The following RORA variants were observed in gnomAD, a reference collection of about 807,000 sequenced individuals.
RORA encodes the protein RAR related orphan receptor A, also known as nuclear receptor ROR-alpha.
A neutral mutation model predicts 69.5 loss-of-function variants in RORA; 7 were observed. The ratio of observed to expected loss-of-function variants is 0.10; its 90% confidence interval spans 0.06 to 0.19. RORA has a LOEUF of 0.19. RORA is among the 10% of genes least tolerant of loss of function. The pLI is 1.00. For missense variants in RORA, 457 were observed against 663.0 expected (o/e 0.69, Z 3.41); for synonymous variants, 261 against 240.8 (o/e 1.08, Z -0.78).
rs2141451249 is a variant in RORA at position 60,531,695 on chromosome 15, G to A, written c.282+71C>T. ...AGGAGTTGAATTTTAAGACATAAGTGGAGACATACAAATCACAAAGATATA... is the reference window on the plus strand; with the variant it reads ...AGGAGTTGAATTTTAAGACATAAGTAGAGACATACAAATCACAAAGATATA... On this transcript the variant is annotated intron_variant, in intron 3 of 10. Coordinates refer to ENST00000335670, the MANE Select transcript of RORA (RefSeq NM_134261.3). This position sits in a 1 kb window ranked among gnomAD's most constrained non-coding sequence, Gnocchi z 4.8. 1 of 790,118 alleles carries A rather than the reference G, an allele frequency of 1.3e-6. No homozygotes were observed. The highest frequency in any genetic ancestry group is 2.1e-6 in the Non-Finnish European group (1 of 485,150). The allele number at this position is 790,118 out of a possible 1,614,324, so 48.9% of individuals were successfully genotyped here. A position where few individuals can be genotyped will look rare whatever the true frequency, so the allele number is the denominator to read the frequency against.
At chr15:60,921,343 C>T (rs1175181109) in intron 1 of RORA, among the ~76,000 whole-genome samples, 3 of 152,134 alleles carry the variant, frequency 2.0e-5, no homozygotes, top group African/African-American at 7.2e-5. Flanking sequence ...CACTACATAG[C>T]AATGAAAAGG....
At chr15:61,092,679 T>A (rs1002887283) in intron 1 of RORA, among the ~76,000 whole-genome samples, 1 of 152,224 alleles carries the variant, frequency 6.6e-6, no homozygotes, top group Non-Finnish European at 1.5e-5. Context: ...ATCTCTACAA[T>A]CTGATGGGCT....
At chr15:60,961,150 T>G (rs1893403722) in intron 1 of RORA, among the ~76,000 whole-genome samples, 1 of 152,210 alleles carries the variant, frequency 6.6e-6, no homozygotes, top group Non-Finnish European at 1.5e-5. Flanking sequence ...CCGTTCCATT[T>G]GCTACACTTC....
chr15:60,935,124 C>T (rs1231945172), intron 1 of RORA, among the ~76,000 whole-genome samples: 2 of 152,226 alleles, frequency 1.3e-5, no homozygotes, highest in Admixed American at 6.5e-5. Flanking sequence ...TGCTCACAAG[C>T]ATTTACACTG....
chr15:60,685,650 A>C (rs972745973), intron 1 of RORA, among the ~76,000 whole-genome samples: 1 of 152,228 alleles, frequency 6.6e-6, no homozygotes, highest in African/African-American at 2.4e-5. Flanking sequence ...TAATCAGTAC[A>C]TATTACTGAA....
intron 1 of RORA, among the ~76,000 whole-genome samples, chr15:60,878,343 CAAAAA>C (rs35845582): frequency 5.8e-5 from 4 of 68,404 alleles, no homozygotes; most frequent in East Asian, 6.4e-4. Context: ...GACTCTGTCT[CAAAAA>C]AAAAAAAAAA....
intron 1 of RORA, among the ~76,000 whole-genome samples, chr15:60,735,418 T>C (rs2071483671): frequency 6.6e-6 from 1 of 152,152 alleles, no homozygotes; most frequent in African/African-American, 2.4e-5. Flanking sequence ...TAGACATCAT[T>C]CTAAACTGTA....
intron 2 of RORA, among the ~76,000 whole-genome samples, chr15:60,619,863 G>A (rs1056713191): frequency 5.3e-5 from 8 of 152,242 alleles, no homozygotes; most frequent in Admixed American, 1.3e-4. Context: ...AAGGTGTACC[G>A]CATCTTTGCC....
chr15:60,857,691 C>T (rs1193095949), intron 1 of RORA, among the ~76,000 whole-genome samples: 6 of 152,160 alleles, frequency 3.9e-5, no homozygotes, highest in Admixed American at 2.6e-4. Flanking sequence ...CAGCTTCAGC[C>T]GTGTAACCAA....
At chr15:60,633,352 G>T (rs2140657415) in intron 2 of RORA, among the ~76,000 whole-genome samples, 1 of 152,304 alleles carries the variant, frequency 6.6e-6, no homozygotes. Flanking sequence ...TATATTATTT[G>T]TGTGGAAGCA....
At chr15:61,121,701 G>C (rs1325567076) in intron 1 of RORA, among the ~76,000 whole-genome samples, 1 of 151,976 alleles carries the variant, frequency 6.6e-6, no homozygotes, top group Non-Finnish European at 1.5e-5. Flanking sequence ...TCATGAGCAG[G>C]TAACGAAGCT....
At chr15:60,775,111 A>G (rs1410130012) in intron 1 of RORA, among the ~76,000 whole-genome samples, 3 of 151,910 alleles carry the variant, frequency 2.0e-5, no homozygotes, top group South Asian at 2.1e-4. Context: ...TCTTCTTTCA[A>G]CCCTTCTCTC....
In RORA at chr15:61,158,702, T is replaced by C. The variant is rs1000902331; in HGVS notation, c.166+70351A>G. Among the ~76,000 whole-genome samples, 5 of 152,328 alleles carry C rather than the reference T, an allele frequency of 3.3e-5. No individual in the cohort carries two copies. The East Asian group carries it at 9.6e-4, about 29-fold the overall frequency. On this transcript the variant is annotated intron_variant, in intron 1 of 10. Coordinates refer to ENST00000335670, the MANE Select transcript of RORA (RefSeq NM_134261.3). ...TAGAGACCCAAAGAGGCTCAGAAAC[T>C]GTTCCTGGTCTGGATTGTTGCGGGA...
intron 1 of RORA, among the ~76,000 whole-genome samples, chr15:60,697,790 C>G (rs1275397760): frequency 6.6e-6 from 1 of 152,126 alleles, no homozygotes; most frequent in East Asian, 1.9e-4. Context: ...AAATCCAGTG[C>G]TTTATAATAA....
intron 1 of RORA, among the ~76,000 whole-genome samples, chr15:61,153,197 C>G (rs2079412757): frequency 6.6e-6 from 1 of 152,148 alleles, no homozygotes; most frequent in African/African-American, 2.4e-5. Context: ...GTTGGAGCCC[C>G]AAGGAGCTGG....
intron 1 of RORA, among the ~76,000 whole-genome samples, chr15:60,713,078 C>T (rs572258177): frequency 1.3e-5 from 2 of 152,264 alleles, no homozygotes; most frequent in Admixed American, 1.3e-4. Flanking sequence ...GTGGCCAGGG[C>T]TTCCCTGGCA....
intron 2 of RORA, among the ~76,000 whole-genome samples, chr15:60,635,876 C>A (rs539899375): frequency 6.6e-6 from 1 of 152,268 alleles, no homozygotes; most frequent in East Asian, 1.9e-4. Flanking sequence ...CATCTCCTAT[C>A]CTCTGCCCAA....
At chr15:60,690,556 G>A (rs2070808257) in intron 1 of RORA, among the ~76,000 whole-genome samples, 1 of 152,192 alleles carries the variant, frequency 6.6e-6, no homozygotes, top group South Asian at 2.1e-4. Flanking sequence ...ATAAGTCACT[G>A]TGTTCTTGAG....
At chr15:60,922,790 T>C (rs1238139497) in intron 1 of RORA, among the ~76,000 whole-genome samples, 1 of 152,234 alleles carries the variant, frequency 6.6e-6, no homozygotes, top group Non-Finnish European at 1.5e-5. Context: ...TCTGTAACAC[T>C]CTTCTGAATT....
Sources: gnomAD v4.1 joint callset for allele counts (sites outside exome capture counted in the v4.1 genomes callset) on GRCh38, gnomAD v4.1.1 for gene constraint, Gnocchi (gnomAD v3.1) non-coding constraint, MANE v1.5 for transcripts, NCBI Gene and HGNC (gene_info 2026-07-23, HGNC 2026-07-21) for gene names.